COLEC10: variants seen among roughly 807,000 people sequenced by gnomAD.
COLEC10 encodes collectin subfamily member 10.
In COLEC10, 22 loss-of-function variants were observed where a neutral mutation model predicts 28.4. The ratio of observed to expected loss-of-function variants is 0.78; its 90% CI spans 0.55 to 1.11. The LOEUF is 1.11. Ranked by LOEUF, COLEC10 falls within the 50% of genes least tolerant of loss-of-function variation. COLEC10 has a pLI of 0.00. For missense variants in COLEC10, 361 were observed against 344.1 expected (o/e 1.05, Z -0.39); for synonymous variants, 125 against 116.1 (o/e 1.08, Z -0.49).
At chr8:119,004,083 T>G (rs1563713892) in intron 1 of COLEC10, among the ~76,000 whole-genome samples, 1 of 152,072 alleles carries the variant, frequency 6.6e-6, no homozygotes, top group African/African-American at 2.4e-5. Context: ...AGCATACTTT[T>G]GGAGAAGCTC....
At chr8:119,001,609 G>T (rs1813701604) in intron 1 of COLEC10, among the ~76,000 whole-genome samples, 1 of 152,082 alleles carries the variant, frequency 6.6e-6, no homozygotes, top group Admixed American at 6.6e-5. Context: ...AGTGCTACTT[G>T]ATTAGTAGGC....
chr8:119,060,241 T>A (rs181194052), intron 2 of COLEC10, among the ~76,000 whole-genome samples: 45 of 152,230 alleles, frequency 3.0e-4, no homozygotes, highest in Admixed American at 2.7e-3. Context: ...TTTTGGAAGC[T>A]AGCAAAAGTA....
At chr8:119,038,435 G>C (rs1814431336) in intron 2 of COLEC10, among the ~76,000 whole-genome samples, 1 of 152,032 alleles carries the variant, frequency 6.6e-6, no homozygotes, top group Admixed American at 6.6e-5. Flanking sequence ...TGTAATTTTG[G>C]AAAAAGGGAA....
At chr8:119,065,484 T>C (rs1015800968), upstream of COLEC10, among the ~76,000 whole-genome samples, 37 of 152,106 alleles carry the variant, frequency 2.4e-4, no homozygotes, top group African/African-American at 8.5e-4. Flanking sequence ...CTCCCACTGA[T>C]TCTACATTAT....
intron 1 of COLEC10, among the ~76,000 whole-genome samples, chr8:119,089,252 C>A (rs1464814380): frequency 1.3e-5 from 2 of 152,140 alleles, no homozygotes. Context: ...CTATTCTTAG[C>A]TTCCTAGGTC....
At chr8:118,990,672 A>G (rs762155813), upstream of COLEC10, among the ~76,000 whole-genome samples, 67 of 152,312 alleles carry the variant, frequency 4.4e-4, no homozygotes, top group East Asian at 3.9e-4. Context: ...AAATGGGTGC[A>G]ATATGACCCT....
chr8:119,056,810 A>C (rs530142257), intron 2 of COLEC10, among the ~76,000 whole-genome samples: 1 of 152,126 alleles, frequency 6.6e-6, no homozygotes, highest in African/African-American at 2.4e-5. Flanking sequence ...CCCTTATGAT[A>C]GTTCCAAACT....
chr8:118,999,012 C>A lies in COLEC10; in HGVS notation n.122+3439C>A, dbSNP rs1813641628. Among the ~76,000 whole-genome samples the A allele has an allele frequency of 4.6e-5, 7 of 151,962 alleles. No homozygotes were observed. In the South Asian group the frequency reaches 1.4e-3, roughly 31 times the overall value. ...CTAAGTACTCTATGTATATTATCAC[C>A]TAATTTTCATAAGAACCCCAGGCAC... On this transcript the variant is annotated intron_variant and non_coding_transcript_variant, in intron 1 of 6. Coordinates refer to the COLEC10 transcript ENST00000521788.
At chr8:119,073,746 A>G (rs1176138260) in intron 1 of COLEC10, among the ~76,000 whole-genome samples, 1 of 152,040 alleles carries the variant, frequency 6.6e-6, no homozygotes, top group African/African-American at 2.4e-5. Flanking sequence ...ATGATAAAAA[A>G]TGATTTGTTT....
upstream of COLEC10, among the ~76,000 whole-genome samples, chr8:119,064,654 C>T (rs1814920367): frequency 6.6e-6 from 1 of 152,170 alleles, no homozygotes. Context: ...ATTTTTCTAT[C>T]ACTGTTAACC....
At chr8:118,962,410 A>G in the COLEC10 span, among the ~76,000 whole-genome samples, 2,605 of 152,318 alleles carry the variant, frequency 0.017, 86 homozygotes, top group African/African-American at 0.059. Flanking sequence ...CTGAAAGGTC[A>G]TTTATCCAAC....
intron 2 of COLEC10, among the ~76,000 whole-genome samples, chr8:119,009,852 A>G (rs1813873802): frequency 6.6e-6 from 1 of 150,514 alleles, no homozygotes; most frequent in Non-Finnish European, 1.5e-5. Flanking sequence ...TTTTTTTAAA[A>G]AAAAATAGAC....
intron 2 of COLEC10, among the ~76,000 whole-genome samples, chr8:119,033,566 C>T (rs1814331794): frequency 6.6e-6 from 1 of 152,046 alleles, no homozygotes; most frequent in Non-Finnish European, 1.5e-5. Flanking sequence ...ACAATCCCAT[C>T]AAAAAGTGGG....
intron 3 of COLEC10, among the ~76,000 whole-genome samples, chr8:119,099,848 C>A (rs777546168): frequency 1.2e-4 from 18 of 152,124 alleles, no homozygotes; most frequent in Non-Finnish European, 2.1e-4. Flanking sequence ...ATGATAGTAT[C>A]TCATCTCTTT....
chr8:118,992,824 A>G (rs1445530622), upstream of COLEC10, among the ~76,000 whole-genome samples: 1 of 152,206 alleles, frequency 6.6e-6, no homozygotes, highest in Non-Finnish European at 1.5e-5. Flanking sequence ...TAAACAATAT[A>G]CATAATATTA....
intron 1 of COLEC10, among the ~76,000 whole-genome samples, chr8:119,001,842 G>T (rs1308077078): frequency 6.6e-6 from 1 of 152,078 alleles, no homozygotes; most frequent in Non-Finnish European, 1.5e-5. Context: ...AACTCAAAAA[G>T]AATAATCTGT....
chr8:118,976,446 A>G, the COLEC10 span: 1 of 152,136 alleles, frequency 6.6e-6, no homozygotes, highest in Non-Finnish European at 1.5e-5. Flanking sequence ...AGAAATTGTA[A>G]TGTGACTTTC....
At chr8:119,105,304 G>A (rs1262477909) in intron 5 of COLEC10, among the ~76,000 whole-genome samples, 2 of 152,050 alleles carry the variant, frequency 1.3e-5, no homozygotes, top group East Asian at 1.9e-4. Context: ...ATGGAAACTC[G>A]GGAGAGTGAC....
At chr8:119,070,526 CTCCCTCCA>C (rs1327731400) in intron 1 of COLEC10, among the ~76,000 whole-genome samples, 2 of 81,190 alleles carry the variant, frequency 2.5e-5, no homozygotes, top group East Asian at 4.5e-4. Flanking sequence ...CCTTCCCTCC[CTCCCTCCA>C]TCTCTCTCTC....
Sources: gnomAD v4.1 joint callset for allele counts (sites outside exome capture counted in the v4.1 genomes callset) on GRCh38, gnomAD v4.1.1 for gene constraint, MANE v1.5 for transcripts, NCBI Gene and HGNC (gene_info 2026-07-23, HGNC 2026-07-21) for gene names.